FRK: variants seen among roughly 807,000 people sequenced by gnomAD.
The protein encoded by FRK is fyn related Src family tyrosine kinase.
A neutral mutation model predicts 56.4 loss-of-function variants in FRK; 51 were observed. That is an observed-to-expected ratio of 0.90 (90% confidence interval 0.72 to 1.14). The LOEUF (loss-of-function observed/expected upper bound fraction) is 1.14, where lower values mean the gene tolerates loss of function less well. FRK is among the 50% of genes most tolerant of loss of function. The pLI, the probability that FRK is intolerant of heterozygous loss-of-function variation, is 0.00. For missense variants in FRK, 570 were observed against 601.4 expected, an observed-to-expected ratio of 0.95 and a Z score of 0.55; for synonymous variants, 245 against 217.9, an observed-to-expected ratio of 1.12 and a Z score of -1.10.
intron 2 of FRK, among the ~76,000 whole-genome samples, chr6:116,003,676 G>GT (rs1468014262): frequency 1.3e-5 from 2 of 152,054 alleles, no homozygotes; most frequent in African/African-American, 4.8e-5. Flanking sequence ...ATTTGAAACT[G>GT]TTTATAGAGA....
the FRK span, among the ~76,000 whole-genome samples, chr6:116,066,247 G>A: frequency 6.6e-6 from 1 of 152,060 alleles, no homozygotes; most frequent in Non-Finnish European, 1.5e-5. Context: ...AGCGAGACTG[G>A]CCTAGCCTCC....
At chr6:116,026,230 TA>T (rs1776084046) in intron 1 of FRK, among the ~76,000 whole-genome samples, 1 of 152,070 alleles carries the variant, frequency 6.6e-6, no homozygotes, top group Non-Finnish European at 1.5e-5. Flanking sequence ...CTAAAAGCCA[TA>T]AAAATATTTT....
intron 1 of FRK, among the ~76,000 whole-genome samples, chr6:116,056,753 G>A (rs1777415761): frequency 6.6e-6 from 1 of 152,142 alleles, no homozygotes; most frequent in African/African-American, 2.4e-5. Flanking sequence ...TCACATTGAA[G>A]ATGTTGAAGA....
Position 116,026,887 on chromosome 6 carries a change from A to G in FRK, c.345-22889T>C, listed in dbSNP as rs543640686. On this transcript the variant is annotated intron_variant, in intron 1 of 7. Coordinates refer to ENST00000606080, the MANE Select transcript of FRK (RefSeq NM_002031.3). ...GGGGCAAACTGAATAGTGGAGAAAG[A>G]TGTGTCAAAATTGGGCATGGAATAA... is the stretch of plus-strand genomic sequence containing the variant. Among the ~76,000 whole-genome samples, 13 of 152,266 alleles carry G rather than the reference A, an allele frequency of 8.5e-5. No homozygotes were observed. The South Asian group carries it at 2.7e-3, about 32-fold the overall frequency.
intron 5 of FRK, among the ~76,000 whole-genome samples, chr6:115,950,450 A>G (rs535325816): frequency 6.6e-6 from 1 of 152,336 alleles, no homozygotes; most frequent in Admixed American, 6.5e-5. Context: ...AGAGAAATCC[A>G]AACCAAAACC....
intron 1 of FRK, among the ~76,000 whole-genome samples, chr6:116,013,090 T>C (rs903925337): frequency 6.6e-5 from 10 of 152,170 alleles, no homozygotes; most frequent in African/African-American, 2.4e-4. Flanking sequence ...TTATTCACCT[T>C]TATAGTCATC....
chr6:115,987,966 T>C lies in FRK; in HGVS notation c.466+15911A>G, dbSNP rs778471806. ...TTACTTTACTTTTCACAAAACCTTT[T>C]TTACAAACATCTGCAGGTGGTAAAG... On this transcript the variant is annotated intron_variant, in intron 2 of 7. Transcript: ENST00000606080. 1.4e-4 allele frequency among the ~76,000 whole-genome samples: 21 copies of C among 152,202 alleles called. No homozygotes were observed. The East Asian group carries it at 2.9e-3, about 21-fold the overall frequency.
chr6:116,041,673 A>T (rs930278691), intron 1 of FRK, among the ~76,000 whole-genome samples: 3 of 152,162 alleles, frequency 2.0e-5, no homozygotes, highest in Middle Eastern at 3.2e-3. Context: ...TAGCCAAGGG[A>T]AGCCGTAAGG....
At position 115,936,568 on chromosome 6, in the gene FRK, A is replaced by AC. The variant is rs1772048303; in HGVS notation, c.*5845_*5846insG. The AC allele has an allele frequency of 2.6e-5, 4 of 152,250 alleles. No homozygotes were observed. Among genetic ancestry groups the AC allele is most frequent in the African/African-American group, 9.6e-5 (4 of 41,466 alleles). 9.4% of individuals were successfully genotyped at this position (152,250 alleles called of 1,614,324 possible). On this transcript the variant is annotated 3_prime_UTR_variant, in exon 8 of 8. Transcript: ENST00000606080. ...TGTTCTAACCCAATGCAAGGAAGTT[A>AC]AGAACACTGTAAAAAGATTAGAGGA...
At chr6:115,947,144 G>C (rs1369476319) in intron 5 of FRK, among the ~76,000 whole-genome samples, 1 of 152,012 alleles carries the variant, frequency 6.6e-6, no homozygotes, top group Non-Finnish European at 1.5e-5. Flanking sequence ...CTAGGGTGCT[G>C]GCCACATTCT....
intron 5 of FRK, among the ~76,000 whole-genome samples, chr6:115,953,088 A>T (rs1037061358): frequency 1.4e-5 from 2 of 145,384 alleles, no homozygotes; most frequent in Non-Finnish European, 3.1e-5. Context: ...TAAAATAAAA[A>T]ATTTTTTAAA....
chr6:115,990,298 A>G (rs1288901543), intron 2 of FRK, among the ~76,000 whole-genome samples: 1 of 151,744 alleles, frequency 6.6e-6, no homozygotes, highest in Non-Finnish European at 1.5e-5. Context: ...CCACTTGTCT[A>G]TTTTTGTTTG....
intron 1 of FRK, among the ~76,000 whole-genome samples, chr6:116,054,838 C>T (rs1483379287): frequency 4.6e-5 from 7 of 151,852 alleles, no homozygotes; most frequent in African/African-American, 1.7e-4. Flanking sequence ...AAGTAGATAA[C>T]ATCTATTATG....
chr6:116,049,215 T>G (rs561280932), intron 1 of FRK, among the ~76,000 whole-genome samples: 32 of 152,298 alleles, frequency 2.1e-4, no homozygotes, highest in Admixed American at 1.6e-3. Flanking sequence ...TCCTGGCTAT[T>G]TTTCCAGATT....
chr6:116,030,611 A>G (rs1333707990), intron 1 of FRK, among the ~76,000 whole-genome samples: 1 of 152,112 alleles, frequency 6.6e-6, no homozygotes, highest in African/African-American at 2.4e-5. Flanking sequence ...CCCTCCATAA[A>G]AAAGAACATG....
At position 115,992,495 on chromosome 6, in the gene FRK, G is replaced by A. The variant is rs1261294277; in HGVS notation, c.466+11382C>T. ...AATGAATGGTTAAAAATAGTTCAAA[G>A]TGTTTCTCCAAATAGTTTTGAAAAT... On this transcript the variant is annotated intron_variant, in intron 2 of 7. Coordinates refer to ENST00000606080, the MANE Select transcript of FRK (RefSeq NM_002031.3). 4.6e-5 allele frequency among the ~76,000 whole-genome samples: 7 copies of A among 151,710 alleles called. No homozygotes were observed. The East Asian group carries it at 1.2e-3, about 25-fold the overall frequency.
the FRK span, among the ~76,000 whole-genome samples, chr6:116,098,408 G>T: frequency 4.6e-5 from 7 of 152,266 alleles, no homozygotes; most frequent in African/African-American, 1.7e-4. Context: ...ACGACGCCAG[G>T]CAGACAGCCG....
the FRK span, among the ~76,000 whole-genome samples, chr6:116,091,728 G>C: frequency 1.3e-4 from 20 of 152,182 alleles, no homozygotes; most frequent in Admixed American, 7.2e-4. Context: ...CTGAAGACAG[G>C]GGTGTCAGGG....
intron 2 of FRK, among the ~76,000 whole-genome samples, chr6:115,973,364 C>G (rs1438404700): frequency 6.6e-6 from 1 of 152,034 alleles, no homozygotes; most frequent in Non-Finnish European, 1.5e-5. Flanking sequence ...ACAATGAGAA[C>G]ACATGGACAC....
Sources: gnomAD v4.1 joint callset for allele counts (sites outside exome capture counted in the v4.1 genomes callset) on GRCh38, gnomAD v4.1.1 for gene constraint, MANE v1.5 for transcripts, NCBI Gene and HGNC (gene_info 2026-07-23, HGNC 2026-07-21) for gene names.